The following APBA2 variants were observed in gnomAD, a reference collection of about 807,000 sequenced individuals.
APBA2 encodes the protein amyloid-beta A4 precursor protein-binding family A member 2.
APBA2 carries 30 observed loss-of-function variants against 75.0 expected under a neutral mutation model. That is an observed-to-expected ratio of 0.40 (90% CI 0.30 to 0.54). APBA2 has a LOEUF of 0.54. Ranked by LOEUF, APBA2 falls within the 20% of genes least tolerant of loss-of-function variation. APBA2 has a pLI of 0.49. For synonymous variants in APBA2, 444 were observed against 409.6 expected, an observed-to-expected ratio of 1.08 and a Z score of -1.01; for missense variants, 801 against 1,016.1, an observed-to-expected ratio of 0.79 and a Z score of 2.88.
intron 5 of APBA2, 109 bp from the exon 6 acceptor site, chr15:29,075,946 G>T (rs1311602277): frequency 2.1e-6 from 2 of 945,166 alleles, no homozygotes; most frequent in African/African-American, 1.6e-5. Flanking sequence ...ACTCATGGGG[G>T]GTTTGCTTTT....
chr15:29,071,868 A>G (rs143685912), intron 4 of APBA2, among the ~76,000 whole-genome samples: 6 of 152,056 alleles, frequency 3.9e-5, no homozygotes, highest in African/African-American at 1.4e-4. Flanking sequence ...ACCCCTAGAG[A>G]CAACCTTGTG....
At position 29,025,263 on chromosome 15, in the gene APBA2, AT is replaced by A. The variant is rs199811660; in HGVS notation, c.-40-28562del. ...CCAGAGCCAGGAAACAAGAATTGGG[AT>A]TTTTTTTTTTTTTTTTTTTGAGATG... On this transcript the variant is annotated intron_variant, in intron 3 of 14. Transcript: ENST00000683413. Among the ~76,000 whole-genome samples, 713 of 138,050 alleles carry A rather than the reference AT, an allele frequency of 5.2e-3. 1 individual carries two copies. Among genetic ancestry groups the A allele is most frequent in the African/African-American group, 6.0e-3 (233 of 38,698 alleles). The allele number at this position is 138,050 out of a possible 152,430, so 90.6% of individuals were successfully genotyped here. A position where few individuals can be genotyped will look rare whatever the true frequency, so the allele number is the denominator to read the frequency against.
intron 1 of APBA2, among the ~76,000 whole-genome samples, chr15:28,886,884 C>T (rs1247110556): frequency 1.3e-5 from 2 of 152,248 alleles, no homozygotes; most frequent in African/African-American, 2.4e-5. Flanking sequence ...CTGGCCCCTT[C>T]CCCATGGCAG....
chr15:29,117,207 C>G lies in APBA2; in HGVS notation c.*74C>G. 2 of 1,450,772 alleles carry G rather than the reference C, an allele frequency of 1.4e-6. No homozygotes were observed. The highest frequency in any genetic ancestry group is 1.7e-5 in the Admixed American group (1 of 59,238). 89.9% of individuals were successfully genotyped at this position (1,450,772 alleles called of 1,614,324 possible). A position where few individuals can be genotyped will look rare whatever the true frequency, so the allele number is the denominator to read the frequency against. ...GGCCCAGAGGAGCTGGGAGCCGGGC[C>G]GCAGACTTGACCCCGACGCCACAGC... On this transcript the variant is annotated 3_prime_UTR_variant, in exon 15 of 15. Transcript: ENST00000683413.
At chr15:28,892,864 C>A (rs191903424) in intron 1 of APBA2, among the ~76,000 whole-genome samples, 5 of 152,140 alleles carry the variant, frequency 3.3e-5, no homozygotes, top group Admixed American at 3.3e-4. Flanking sequence ...TTGGAAAAAT[C>A]CATTGTTGCA....
chr15:28,906,843 G>A (rs1315836953), intron 1 of APBA2, among the ~76,000 whole-genome samples: 7 of 151,822 alleles, frequency 4.6e-5, no homozygotes, highest in Admixed American at 1.3e-4. Context: ...GACTTGTGAA[G>A]GTTTTTTTTG....
intron 1 of APBA2, among the ~76,000 whole-genome samples, chr15:28,894,913 G>A (rs1454236465): frequency 6.6e-6 from 1 of 151,988 alleles, no homozygotes; most frequent in Admixed American, 6.5e-5. Flanking sequence ...ACAGGAGGGT[G>A]GCGGGGGCAG....
chr15:28,956,748 CT>C (rs2036190986), intron 2 of APBA2, among the ~76,000 whole-genome samples: 1 of 152,206 alleles, frequency 6.6e-6, no homozygotes, highest in Non-Finnish European at 1.5e-5. Context: ...CCCTCACCCC[CT>C]GGCACCCACC....
At chr15:29,045,095 C>CTT (rs1190323727) in intron 3 of APBA2, among the ~76,000 whole-genome samples, 2,486 of 128,354 alleles carry the variant, frequency 0.019, 99 homozygotes, top group African/African-American at 0.11. Flanking sequence ...CTCTCTCTCT[C>CTT]TCTCTCTCGT....
In APBA2 at chr15:29,054,184, C is replaced by T. The variant is rs780969211; in HGVS notation, c.300C>T (p.Tyr100=). 399 of 1,614,102 alleles carry T rather than the reference C, an allele frequency of 2.5e-4. 8 individuals carry two copies. The Admixed American group carries it at 6.4e-3, about 26-fold the overall frequency. Residue 100 remains tyrosine (Y), a synonymous_variant, in exon 4 of 15, where the codon TAC becomes TAT. Coordinates refer to ENST00000683413, the MANE Select transcript of APBA2 (RefSeq NM_001353788.2). This position sits in a 1 kb window ranked among gnomAD's most constrained non-coding sequence, Gnocchi z 6.1. ...AGGAGGAGGAGGGCATCACCTACTA[C>T]ATCCGCTACTGCCCTGAGGACGACA... ...LPEEEEGITY[Y]IRYCPEDDSY...
rs1466780572 is a variant in APBA2, at chr15:28,918,622, G to A, written c.-204-3018G>A. The stretch of plus-strand genomic sequence containing the variant: ...GTGCCTGATGCGTGTGGGTGTGGTG[G>A]GGTTGGGGGTGGGGGTGGGGCTGGG... On this transcript the variant is annotated intron_variant, in intron 1 of 14. Coordinates refer to ENST00000683413, the MANE Select transcript of APBA2 (RefSeq NM_001353788.2). This position sits in a 1 kb window ranked among gnomAD's most constrained non-coding sequence, Gnocchi z 4.2. 6.6e-6 allele frequency among the ~76,000 whole-genome samples: 1 copy of A among 151,580 alleles called. No homozygotes were observed. The highest frequency in any genetic ancestry group is 1.5e-5 in the Non-Finnish European group (1 of 67,798).
intron 4 of APBA2, chr15:29,071,121 G>A (rs1202889215): frequency 2.2e-6 from 1 of 454,020 alleles, no homozygotes; most frequent in South Asian, 1.6e-5. Context: ...CTAGTTTGGT[G>A]TTGTTTCATC....
At chr15:29,084,496 T>C (rs2043205692) in intron 6 of APBA2, among the ~76,000 whole-genome samples, 2 of 152,236 alleles carry the variant, frequency 1.3e-5, no homozygotes, top group Admixed American at 1.3e-4. Flanking sequence ...ATCTCAGATC[T>C]TACATCATAG....
chr15:29,025,677 C>T lies in APBA2; in HGVS notation c.-40-28168C>T, dbSNP rs553086984. On this transcript the variant is annotated intron_variant, in intron 3 of 14. Coordinates refer to ENST00000683413, the MANE Select transcript of APBA2 (RefSeq NM_001353788.2). ...AGAGATGGTCCAGTGATGGGCTGGG[C>T]GTGGTGGCTCACGCCTATAATCCCA... Among the ~76,000 whole-genome samples, 20 of 151,814 alleles carry T rather than the reference C, an allele frequency of 1.3e-4. No individual in the cohort carries two copies. The South Asian group carries it at 3.4e-3, about 25-fold the overall frequency.
intron 2 of APBA2, among the ~76,000 whole-genome samples, chr15:28,987,993 G>A (rs2152778398): frequency 6.6e-6 from 1 of 151,900 alleles, no homozygotes; most frequent in South Asian, 2.1e-4. Context: ...CTGACCTCAA[G>A]TGGTCTGCCC....
chr15:29,016,247 C>T (rs1011443994), intron 3 of APBA2, among the ~76,000 whole-genome samples: 1 of 152,146 alleles, frequency 6.6e-6, no homozygotes, highest in Admixed American at 6.6e-5. Flanking sequence ...CAGAGTGAGA[C>T]TCAGTCTCAA....
intron 14 of APBA2, among the ~76,000 whole-genome samples, chr15:29,116,089 G>C (rs2045107153): frequency 6.6e-6 from 1 of 152,124 alleles, no homozygotes; most frequent in South Asian, 2.1e-4. Context: ...GACGTTTAGA[G>C]TCTGCTCCTT....
intron 2 of APBA2, among the ~76,000 whole-genome samples, chr15:28,933,469 A>G (rs1286394984): frequency 2.0e-5 from 3 of 152,172 alleles, no homozygotes; most frequent in Admixed American, 1.3e-4. Flanking sequence ...ACTTTCTGTC[A>G]TGTATAATCT....
At chr15:29,030,208 C>A (rs548979940) in intron 3 of APBA2, among the ~76,000 whole-genome samples, 100 of 152,118 alleles carry the variant, frequency 6.6e-4, no homozygotes, top group Non-Finnish European at 1.4e-3. Flanking sequence ...GCCTGTAATC[C>A]CAGCACTTTG....
Sources: gnomAD v4.1 joint callset for allele counts (sites outside exome capture counted in the v4.1 genomes callset) on GRCh38, gnomAD v4.1.1 for gene constraint, Gnocchi (gnomAD v3.1) non-coding constraint, MANE v1.5 for transcripts, NCBI Gene and HGNC (gene_info 2026-07-23, HGNC 2026-07-21) for gene names.